Variants in SPG11 observed in about 807,000 individuals in gnomAD.
SPG11 encodes the protein spatacsin.
Under a neutral mutation model 274.0 loss-of-function variants are expected in SPG11, and 222 were observed. The ratio of observed to expected loss-of-function variants is 0.81; its 90% CI spans 0.73 to 0.91. SPG11 has a LOEUF of 0.91. SPG11 is among the 40% of genes least tolerant of loss of function. The pLI is 0.00. For missense variants in SPG11, 3,114 were observed against 2,872.7 expected (o/e 1.08, Z -1.92); for synonymous variants, 1,144 against 1,039.7 (o/e 1.10, Z -1.93).
intron 30 of SPG11, among the ~76,000 whole-genome samples, chr15:44,578,851 C>A (rs1329343910): frequency 1.3e-5 from 2 of 152,180 alleles, no homozygotes; most frequent in Non-Finnish European, 2.9e-5. Flanking sequence ...TTTAATAATA[C>A]ACTATTCAAA....
intron 29 of SPG11, 145 bp downstream of exon 29, chr15:44,585,491 A>G (rs2082739259): frequency 1.6e-6 from 1 of 633,870 alleles, no homozygotes. Context: ...AGTCCCAGCT[A>G]CTCGGGAGGC....
chr15:44,635,516 G>A (rs1414566789), intron 7 of SPG11, among the ~76,000 whole-genome samples: 1 of 147,752 alleles, frequency 6.8e-6, no homozygotes, highest in Non-Finnish European at 1.5e-5. Flanking sequence ...TGAGGCAGGA[G>A]GGTGTCTTGA....
At chr15:44,580,151 T>A (rs1445803916) in intron 30 of SPG11, among the ~76,000 whole-genome samples, 1 of 152,246 alleles carries the variant, frequency 6.6e-6, no homozygotes, top group African/African-American at 2.4e-5. Context: ...TATTTTTTAC[T>A]GTACCTTTTC....
At chr15:44,662,730 C>T (rs898594911) in intron 1 of SPG11, among the ~76,000 whole-genome samples, 2 of 148,582 alleles carry the variant, frequency 1.3e-5, no homozygotes, top group African/African-American at 4.9e-5. Context: ...GATGTAAACT[C>T]TTAAGTACTG....
At chr15:44,647,553 T>C (rs1289816893) in intron 7 of SPG11, among the ~76,000 whole-genome samples, 23 of 152,154 alleles carry the variant, frequency 1.5e-4, no homozygotes, top group Admixed American at 1.5e-3. Context: ...CAAAATGCAG[T>C]ATATATTGAT....
intron 30 of SPG11, among the ~76,000 whole-genome samples, chr15:44,579,573 C>T (rs1041918478): frequency 4.0e-5 from 6 of 148,910 alleles, no homozygotes; most frequent in Admixed American, 6.7e-5. Flanking sequence ...GATTTCAACT[C>T]ACACGAGAAA....
rs1228868328 is a variant in SPG11 at position 44,653,371 on chromosome 15, T to C, written c.870-1105A>G. Among the ~76,000 whole-genome samples, 4 of 152,146 alleles carry C rather than the reference T, an allele frequency of 2.6e-5. No homozygotes were observed. In the East Asian group the frequency reaches 7.7e-4, roughly 29 times the overall value. Reference sequence around the variant, plus strand: ...ATATGACACTGTCCCAGGATGATGATGAAAAGAAGTTAGAGAAGGTAGGGC... The same window carrying C: ...ATATGACACTGTCCCAGGATGATGACGAAAAGAAGTTAGAGAAGGTAGGGC... On this transcript the variant is annotated intron_variant, in intron 4 of 39. Transcript: ENST00000261866.
intron 27 of SPG11, among the ~76,000 whole-genome samples, chr15:44,591,206 T>C (rs1191094976): frequency 6.6e-6 from 1 of 152,242 alleles, no homozygotes; most frequent in Non-Finnish European, 1.5e-5. Flanking sequence ...AGGGAATTAT[T>C]ATGAGAAAGA....
rs542096256 is a variant in SPG11, at chr15:44,603,892, ATTGT to A, written c.3520+2129_3520+2132del. Among the ~76,000 whole-genome samples, 408 of 151,634 alleles carry A rather than the reference ATTGT, an allele frequency of 2.7e-3. 2 individuals are homozygous for A. The highest frequency in any genetic ancestry group is 3.7e-3 in the Non-Finnish European group (250 of 67,856). On this transcript the variant is annotated intron_variant, in intron 20 of 39. Transcript: ENST00000261866. ...GTTCTATTGTTTTTCTTTTTTTTAA[ATTGT>A]TTGTTTGTTCTTTTGAATATTTCCC...
At chr15:44,657,397 G>T in intron 3 of SPG11, 101 bp from the exon 4 acceptor site, 2 of 1,099,008 alleles carry the variant, frequency 1.8e-6, no homozygotes, top group Non-Finnish European at 2.7e-6. Context: ...CTCCAATTTT[G>T]TAGGTATAAC....
rs564768783 is a variant in SPG11, at chr15:44,612,545, C to A, written c.3145+885G>T. Among the ~76,000 whole-genome samples the A allele has an allele frequency of 2.2e-4, 33 of 152,150 alleles. 1 individual carries two copies. The South Asian group carries it at 6.9e-3, about 32-fold the overall frequency. On this transcript the variant is annotated intron_variant, in intron 17 of 39. Coordinates refer to ENST00000261866, the MANE Select transcript of SPG11 (RefSeq NM_025137.4). ...TCCCAAGTTGCTGGGACTACAGGAG[C>A]ATGCCACCACAGCTAATTTTTAAAA... is the stretch of plus-strand genomic sequence containing the variant.
Position 44,657,279 on chromosome 15 carries a change from C to G in SPG11, c.685G>C (p.Asp229His). The G allele has an allele frequency of 6.2e-7, 1 of 1,614,154 alleles. No homozygotes were observed. Among genetic ancestry groups the G allele is most frequent in the Non-Finnish European group, 8.5e-7 (1 of 1,180,028 alleles). ...LGWIYIFDVVDGTYVAHVDLA... is the reference protein window; with the variant it reads ...LGWIYIFDVVHGTYVAHVDLA... ...TCCACATGAGCTACATATGTACCAT[C>G]CACAACATCAAAAATGTCTTTTAGT... The change falls in exon 4 of 40, where the codon GAT becomes CAT. Residue 229 changes from aspartate to histidine, a missense_variant. Asp to His is a moderately conservative substitution (Grantham distance 81). Transcript: ENST00000261866.
chr15:44,599,451 C>T (rs962296735), intron 21 of SPG11, among the ~76,000 whole-genome samples: 6 of 152,086 alleles, frequency 3.9e-5, no homozygotes, highest in African/African-American at 1.2e-4. Context: ...AGGCACCCAC[C>T]ACCATGCCTG....
At chr15:44,602,342 T>G (rs904268971) in intron 20 of SPG11, among the ~76,000 whole-genome samples, 1 of 152,254 alleles carries the variant, frequency 6.6e-6, no homozygotes, top group African/African-American at 2.4e-5. Context: ...ATATTAGCTG[T>G]GAGACTGTCA....
chr15:44,575,071 T>C (rs1488468269), intron 30 of SPG11, 30 bp from the exon 31 acceptor site: 5 of 1,612,964 alleles, frequency 3.1e-6, no homozygotes, highest in Non-Finnish European at 4.2e-6. Flanking sequence ...TGAGGGGCTC[T>C]AAGCTGGGAG....
At chr15:44,587,925 C>T (rs924093560) in intron 28 of SPG11, among the ~76,000 whole-genome samples, 1 of 151,966 alleles carries the variant, frequency 6.6e-6, no homozygotes, top group Non-Finnish European at 1.5e-5. Flanking sequence ...AATGAAAACA[C>T]CTATATGTTA....
At chr15:44,642,282 T>C (rs1379842882) in intron 7 of SPG11, among the ~76,000 whole-genome samples, 4 of 149,894 alleles carry the variant, frequency 2.7e-5, no homozygotes, top group Non-Finnish European at 5.9e-5. Context: ...GGAGAATCAC[T>C]TGAACCCAGA....
Position 44,657,223 on chromosome 15 carries a change from AT to A in SPG11, c.740del (p.Asn247MetfsTer16). ...DLALHKEDMC[N>X]EQQQEPAKIS... ...TCTTGGCTGGCTCCTGTTGCTGCTC[AT>A]TACACATGTCTTCTTTGTGAAGTGC... On this transcript the variant is annotated frameshift_variant, in exon 4 of 40. Transcript: ENST00000261866. LOFTEE classifies it high-confidence loss of function. 1 of 1,614,204 alleles carries A rather than the reference AT, an allele frequency of 6.2e-7. No individual in the cohort carries two copies. The highest frequency in any genetic ancestry group is 8.5e-7 in the Non-Finnish European group (1 of 1,180,022).
At chr15:44,613,629 A>C in intron 16 of SPG11, 93 bp from the exon 17 acceptor site, 1 of 778,898 alleles carries the variant, frequency 1.3e-6, no homozygotes. Context: ...GCATTTAAAA[A>C]AAGAATCTTG....
Sources: allele counts gnomAD v4.1 joint callset (sites outside exome capture counted in the v4.1 genomes callset), GRCh38; gene constraint gnomAD v4.1.1; transcripts MANE v1.5; gene names NCBI Gene and HGNC (gene_info 2026-07-23, HGNC 2026-07-21).